Variants in SNX25 observed in about 807,000 individuals in gnomAD.
SNX25 encodes sorting nexin 25.
A neutral mutation model predicts 113.7 loss-of-function variants in SNX25; 62 were observed. The observed-to-expected ratio is 0.55, with a 90% CI of 0.44 to 0.67. The LOEUF (loss-of-function observed/expected upper bound fraction) is 0.67. Ranked by LOEUF, SNX25 falls within the 30% of genes least tolerant of loss-of-function variation. SNX25 has a pLI of 0.00. For synonymous variants in SNX25, 421 were observed against 436.2 expected, an observed-to-expected ratio of 0.97 and a Z score of 0.43; for missense variants, 1,014 against 1,161.0, an observed-to-expected ratio of 0.87 and a Z score of 1.84.
intron 14 of SNX25, among the ~76,000 whole-genome samples, chr4:185,352,031 A>G (rs371566432): frequency 1.3e-5 from 2 of 152,102 alleles, no homozygotes; most frequent in East Asian, 1.9e-4. Context: ...AGTACAGCAT[A>G]GAAGTGGGGA....
At position 185,320,836 on chromosome 4, in the gene SNX25, C is replaced by T. The variant is rs761858599; in HGVS notation, c.1448C>T (p.Ser483Phe). 6.9e-6 allele frequency: 11 copies of T among 1,602,276 alleles called. No homozygotes were observed. The highest frequency in any genetic ancestry group is 1.7e-6 in the Non-Finnish European group (2 of 1,175,066). The change falls in exon 8 of 19, where the codon TCT becomes TTT. Residue 483 changes from serine (S) to phenylalanine (F), a missense_variant. Ser to Phe is a radical substitution (Grantham distance 155). Coordinates refer to ENST00000652585, the MANE Select transcript of SNX25 (RefSeq NM_001378034.2). ...DKRALISFWE[S>F]VEHLKNANKN... Reference sequence around the variant, plus strand: ...AGAGCTCTGATTAGTTTTTGGGAATCTGTGGAACATTTAAAGAATGCTAAC... The same window carrying T: ...AGAGCTCTGATTAGTTTTTGGGAATTTGTGGAACATTTAAAGAATGCTAAC...
chr4:185,244,570 G>C (rs1744558584), intron 1 of SNX25, among the ~76,000 whole-genome samples: 3 of 151,656 alleles, frequency 2.0e-5, no homozygotes, highest in African/African-American at 7.3e-5. Flanking sequence ...ATAAAATCTA[G>C]ACCATTTATT....
downstream of SNX25, among the ~76,000 whole-genome samples, chr4:185,371,692 C>T (rs1251903486): frequency 1.3e-5 from 2 of 152,064 alleles, no homozygotes; most frequent in South Asian, 2.1e-4. Flanking sequence ...TAAGGGAAAG[C>T]GCCGAAGATT....
intron 10 of SNX25, among the ~76,000 whole-genome samples, chr4:185,336,667 T>C (rs1403992042): frequency 6.6e-6 from 1 of 152,224 alleles, no homozygotes; most frequent in Non-Finnish European, 1.5e-5. Context: ...TCTTTTCCTC[T>C]GAGTAGATCC....
intron 4 of SNX25, 106 bp from the exon 5 acceptor site, chr4:185,266,863 C>A: frequency 9.1e-7 from 1 of 1,095,754 alleles, no homozygotes; most frequent in Non-Finnish European, 1.3e-6. Flanking sequence ...CCCTGTTTGA[C>A]TACTTGAAAA....
Position 185,218,948 on chromosome 4 carries a change from T to C in SNX25, c.429+8693T>C, listed in dbSNP as rs567232030. On this transcript the variant is annotated intron_variant, in intron 1 of 18. Coordinates refer to ENST00000652585, the MANE Select transcript of SNX25 (RefSeq NM_001378034.2). ...GAACCTCATCCTCTTGCAGTACTCC[T>C]ACCTTCTTGCTCTGCCACCCCATCA... is the stretch of plus-strand genomic sequence containing the variant. Among the ~76,000 whole-genome samples the C allele has an allele frequency of 3.9e-5, 6 of 152,310 alleles. No individual in the cohort carries two copies. In the East Asian group the frequency reaches 1.2e-3, roughly 29 times the overall value.
chr4:185,313,353 C>T (rs1421649909), intron 7 of SNX25, among the ~76,000 whole-genome samples: 6 of 152,056 alleles, frequency 3.9e-5, no homozygotes, highest in Admixed American at 1.3e-4. Context: ...GGAGTCAGTT[C>T]GTCAGGAAGA....
At chr4:185,347,531 C>T (rs955857863) in intron 13 of SNX25, among the ~76,000 whole-genome samples, 3 of 151,852 alleles carry the variant, frequency 2.0e-5, no homozygotes, top group East Asian at 1.9e-4. Context: ...AGTGCAATGG[C>T]GCGATCTTGG....
At chr4:185,304,008 G>A (rs1754097512) in intron 6 of SNX25, among the ~76,000 whole-genome samples, 2 of 152,182 alleles carry the variant, frequency 1.3e-5, no homozygotes, top group Non-Finnish European at 2.9e-5. Flanking sequence ...GTGATGATTG[G>A]TAACTACTGA....
Position 185,246,270 on chromosome 4 carries a change from G to A in SNX25, c.430-1024G>A, listed in dbSNP as rs369366614. 5.9e-5 allele frequency among the ~76,000 whole-genome samples: 9 copies of A among 152,194 alleles called. No individual in the cohort carries two copies. In the East Asian group the frequency reaches 1.2e-3, roughly 20 times the overall value. Reference sequence around the variant, plus strand: ...GTGAGCACCACAGCACTCCAGCCTGGGCAACATGTGAGACTCAAAAAAGTC... The same window carrying A: ...GTGAGCACCACAGCACTCCAGCCTGAGCAACATGTGAGACTCAAAAAAGTC... On this transcript the variant is annotated intron_variant, in intron 1 of 18. Coordinates refer to ENST00000652585, the MANE Select transcript of SNX25 (RefSeq NM_001378034.2).
rs188090532 is a variant in SNX25, at chr4:185,301,823, G to A, written c.1163-8812G>A. Among the ~76,000 whole-genome samples the A allele has an allele frequency of 1.3e-4, 20 of 152,246 alleles. No individual in the cohort carries two copies. In the East Asian group the frequency reaches 3.9e-3, roughly 29 times the overall value. ...ACTGGTCTCGAACTCCTGACCTCAAGTGATTGGCCCGCCTTGGCCTTCCAA... is the reference window on the plus strand; with the variant it reads ...ACTGGTCTCGAACTCCTGACCTCAAATGATTGGCCCGCCTTGGCCTTCCAA... On this transcript the variant is annotated intron_variant, in intron 6 of 18. Transcript: ENST00000652585.
intron 1 of SNX25, among the ~76,000 whole-genome samples, chr4:185,237,040 A>G (rs1221349069): frequency 6.6e-6 from 1 of 152,232 alleles, no homozygotes. Context: ...AAAAGAAATT[A>G]TAGCATTTTT....
intron 6 of SNX25, among the ~76,000 whole-genome samples, chr4:185,288,544 A>AT (rs1751673478): frequency 8.3e-6 from 1 of 120,792 alleles, no homozygotes; most frequent in South Asian, 2.5e-4. Context: ...TTTTTCCTTT[A>AT]TTTAAGCATT....
chr4:185,320,959 T>C (rs1205927666), intron 8 of SNX25, 95 bp downstream of exon 8: 1 of 1,123,854 alleles, frequency 8.9e-7, no homozygotes, highest in Non-Finnish European at 1.2e-6. Context: ...TAAGTATACA[T>C]TAAAAATATT....
At chr4:185,248,792 A>G (rs1419272031) in intron 2 of SNX25, among the ~76,000 whole-genome samples, 1 of 152,232 alleles carries the variant, frequency 6.6e-6, no homozygotes, top group African/African-American at 2.4e-5. Flanking sequence ...TTCAAAATAG[A>G]GAACATTTCC....
At chr4:185,224,446 A>AAT (rs1197836141) in intron 1 of SNX25, among the ~76,000 whole-genome samples, 5 of 117,732 alleles carry the variant, frequency 4.2e-5, no homozygotes, top group African/African-American at 1.8e-4. Context: ...TAGATATATA[A>AAT]ATATATATAT....
intron 3 of SNX25, among the ~76,000 whole-genome samples, chr4:185,261,750 G>A (rs1429630850): frequency 6.6e-6 from 1 of 152,054 alleles, no homozygotes; most frequent in African/African-American, 2.4e-5. Flanking sequence ...TATGCCAAGG[G>A]TAGATTTATT....
chr4:185,309,826 A>G (rs529103818), intron 6 of SNX25, among the ~76,000 whole-genome samples: 11 of 152,360 alleles, frequency 7.2e-5, no homozygotes, highest in Admixed American at 6.5e-4. Context: ...AAATACATTT[A>G]TGGCACATTC....
chr4:185,262,742 C>T (rs1407292319), intron 3 of SNX25, among the ~76,000 whole-genome samples: 1 of 152,140 alleles, frequency 6.6e-6, no homozygotes. Flanking sequence ...AGATTAATGT[C>T]CTTTTGCTCA....
Sources: gnomAD v4.1 joint callset for allele counts (sites outside exome capture counted in the v4.1 genomes callset) on GRCh38, gnomAD v4.1.1 for gene constraint, MANE v1.5 for transcripts, NCBI Gene and HGNC (gene_info 2026-07-23, HGNC 2026-07-21) for gene names.